CNEP1R1: variants seen among roughly 807,000 people sequenced by gnomAD.
CNEP1R1 encodes CTD nuclear envelope phosphatase 1 regulatory subunit 1, also known as nuclear envelope phosphatase-regulatory subunit 1.
A neutral mutation model predicts 22.7 loss-of-function variants in CNEP1R1; 10 were observed. The ratio of observed to expected loss-of-function variants is 0.44; its 90% confidence interval spans 0.27 to 0.75. The LOEUF (loss-of-function observed/expected upper bound fraction) is 0.75, where lower values mean the gene tolerates loss of function less well. Ranked by LOEUF, CNEP1R1 falls within the 30% of genes least tolerant of loss-of-function variation. The pLI is 0.17. For missense variants in CNEP1R1, 73 were observed against 151.5 expected, an observed-to-expected ratio of 0.48 and a Z score of 2.72; for synonymous variants, 53 against 50.1, an observed-to-expected ratio of 1.06 and a Z score of -0.25.
intron 2 of CNEP1R1, chr16:50,027,002 T>G (rs1197790118): frequency 6.6e-6 from 1 of 152,060 alleles, no homozygotes; most frequent in Non-Finnish European, 1.5e-5. Flanking sequence ...ATATTTAAAT[T>G]TTTGAATTAT....
chr16:50,027,438 G>A (rs909587054), intron 2 of CNEP1R1, among the ~76,000 whole-genome samples: 2 of 150,796 alleles, frequency 1.3e-5, no homozygotes, highest in Non-Finnish European at 1.5e-5. Flanking sequence ...AACCCAGGAG[G>A]CAGAGCTTGC....
rs769917132 is a variant in CNEP1R1, at chr16:50,026,511, A to G, written c.97+44A>G. The G allele has an allele frequency of 2.2e-6, 3 of 1,339,808 alleles. No individual in the cohort carries two copies. The African/African-American group carries it at 4.3e-5, about 19-fold the overall frequency. The allele number at this position is 1,339,808 out of a possible 1,614,324, so 83.0% of individuals were successfully genotyped here. A position where few individuals can be genotyped will look rare whatever the true frequency, so the allele number is the denominator to read the frequency against. ...TTTTAAGGGAAAACTAACAATTGAT[A>G]CTTTTATCCTAATATAGGAATGATT... On this transcript the variant is annotated intron_variant, in intron 2 of 5. Transcript: ENST00000427478.
rs2036168275 is a variant in CNEP1R1, at chr16:50,025,276, G to T, written c.-40G>T. The T allele has an allele frequency of 7.2e-7, 1 of 1,392,048 alleles. No homozygotes were observed. Among genetic ancestry groups the T allele is most frequent in the Non-Finnish European group, 9.3e-7 (1 of 1,078,082 alleles). The allele number at this position is 1,392,048 out of a possible 1,614,324, so 86.2% of individuals were successfully genotyped here. Reference sequence around the variant, plus strand: ...GGGCGGGGGCCGCGGAAGCTGCGATGCGGACAGGGCAGCGGCGGTGACCCG... The same window carrying T: ...GGGCGGGGGCCGCGGAAGCTGCGATTCGGACAGGGCAGCGGCGGTGACCCG... On this transcript the variant is annotated 5_prime_UTR_variant, in exon 1 of 6. The change abolishes an upstream ATG in the 5' untranslated region. Transcript: ENST00000427478.
intron 1 of CNEP1R1, 73 bp downstream of exon 1, chr16:50,025,413 G>T: frequency 7.3e-7 from 1 of 1,367,512 alleles, no homozygotes. Context: ...AGCCGGCGTC[G>T]TGAAGACCCC....
intron 1 of CNEP1R1, 48 bp downstream of exon 1, chr16:50,025,388 G>A (rs1188506131): frequency 2.2e-5 from 31 of 1,424,028 alleles, no homozygotes; most frequent in African/African-American, 2.9e-5. Flanking sequence ...TCGGAAGCTG[G>A]CGGTGCTCCG....
chr16:50,032,116 A>G (rs1442300748), intron 3 of CNEP1R1, among the ~76,000 whole-genome samples: 1 of 152,204 alleles, frequency 6.6e-6, no homozygotes, highest in Non-Finnish European at 1.5e-5. Context: ...ATGCTGAGCC[A>G]TCTACCTGGT....
chr16:50,031,707 A>G (rs1480669424), intron 3 of CNEP1R1, among the ~76,000 whole-genome samples: 2 of 151,946 alleles, frequency 1.3e-5, no homozygotes, highest in African/African-American at 4.8e-5. Context: ...CAAACCTGAC[A>G]GGAGTTTTAA....
chr16:50,034,364 G>A, intron 5 of CNEP1R1: 1 of 529,836 alleles, frequency 1.9e-6, no homozygotes, highest in Admixed American at 3.3e-5. Flanking sequence ...CTGACAAATT[G>A]GGAGAGTTGA....
At position 50,036,146 on chromosome 16, in the gene CNEP1R1, T is replaced by TC. The variant is rs932382399; in HGVS notation, c.*688_*689insC. The TC allele has an allele frequency of 8.0e-6, 1 of 124,948 alleles. No homozygotes were observed. 7.7% of individuals were successfully genotyped at this position (124,948 alleles called of 1,614,324 possible). A position where few individuals can be genotyped will look rare whatever the true frequency, so the allele number is the denominator to read the frequency against. Reference sequence around the variant, plus strand: ...ATTGCTTTAATAATTTTCTTTTTTTTTTTTTTTTTTTTAGACGGAGTCTCG... The same window carrying TC: ...ATTGCTTTAATAATTTTCTTTTTTTTCTTTTTTTTTTTTAGACGGAGTCTCG... On this transcript the variant is annotated 3_prime_UTR_variant, in exon 6 of 6. Transcript: ENST00000427478.
Position 50,025,350 on chromosome 16 carries a change from G to T in CNEP1R1, c.25+10G>T, listed in dbSNP as rs759077295. 2.1e-6 allele frequency: 3 copies of T among 1,432,388 alleles called. No individual in the cohort carries two copies. Among genetic ancestry groups the T allele is most frequent in the Non-Finnish European group, 2.7e-6 (3 of 1,097,048 alleles). 88.7% of individuals were successfully genotyped at this position (1,432,388 alleles called of 1,614,324 possible). Reference sequence around the variant, plus strand: ...CTGGAGCAGGCGGAAGGTAGGGTGGGCCGCCCGGGCCCGTCCCCCGTCTCC... The same window carrying T: ...CTGGAGCAGGCGGAAGGTAGGGTGGTCCGCCCGGGCCCGTCCCCCGTCTCC... On this transcript the variant is annotated intron_variant, in intron 1 of 5. Transcript: ENST00000427478.
chr16:50,035,444 C>T lies in CNEP1R1; in HGVS notation c.364C>T (p.Pro122Ser). The part of the protein sequence containing the change: ...DTGKLILKPR[P>S]HVQ The stretch of plus-strand genomic sequence containing the variant: ...AGGAAAACTAATTTTGAAACCTAGG[C>T]CTCATGTTCAATGACAATCTTCACT... The change falls in exon 6 of 6, where the codon CCT (proline) becomes TCT (serine). Residue 122 changes from proline to serine, a missense_variant. By Grantham distance (74) the Pro-to-Ser change is moderately conservative (BLOSUM62 -1). Transcript: ENST00000427478. 1 of 1,582,142 alleles carries T rather than the reference C, an allele frequency of 6.3e-7. No homozygotes were observed. The highest frequency in any genetic ancestry group is 8.6e-7 in the Non-Finnish European group (1 of 1,160,416).
intron 1 of CNEP1R1, 131 bp from the exon 2 acceptor site, chr16:50,026,265 T>C: frequency 1.6e-6 from 1 of 639,200 alleles, no homozygotes; most frequent in Admixed American, 2.7e-5. Flanking sequence ...CAGTGATACA[T>C]GGAAGTTAGT....
chr16:50,025,626 A>G, intron 1 of CNEP1R1: 1 of 1,607,744 alleles, frequency 6.2e-7, no homozygotes. Context: ...GCAGCCTGCT[A>G]ATTCATTTCA....
intron 2 of CNEP1R1, among the ~76,000 whole-genome samples, chr16:50,028,444 A>G (rs1185168843): frequency 6.6e-6 from 1 of 152,198 alleles, no homozygotes; most frequent in East Asian, 1.9e-4. Flanking sequence ...ATTTTTATTA[A>G]ATCTATTTGC....
chr16:50,027,507 C>A (rs1271343286), intron 2 of CNEP1R1, among the ~76,000 whole-genome samples: 396 of 109,900 alleles, frequency 3.6e-3, no homozygotes, highest in African/African-American at 4.4e-3. Flanking sequence ...GACTCTGTCT[C>A]AAAAAAAAAA....
At chr16:50,025,470 T>A (rs1269961481) in intron 1 of CNEP1R1, 130 bp downstream of exon 1, 8 of 1,180,098 alleles carry the variant, frequency 6.8e-6, no homozygotes, top group Non-Finnish European at 9.3e-6. Context: ...GCCCGGAGCT[T>A]GGGGGCGCGT....
In CNEP1R1 at chr16:50,036,093, T is replaced by C. The variant is rs1189493987; in HGVS notation, c.*635T>C. 1 of 152,604 alleles carries C rather than the reference T, an allele frequency of 6.6e-6. No homozygotes were observed. Among genetic ancestry groups the C allele is most frequent in the Non-Finnish European group, 1.5e-5 (1 of 68,044 alleles). 9.5% of individuals were successfully genotyped at this position (152,604 alleles called of 1,614,324 possible). ...TTGTGGTTATATTTTTAGTTCATTG[T>C]TCTCATTTAATGCTAAATATCCTTT... On this transcript the variant is annotated 3_prime_UTR_variant, in exon 6 of 6. Transcript: ENST00000427478.
At chr16:50,031,172 C>G (rs1487508506) in intron 3 of CNEP1R1, among the ~76,000 whole-genome samples, 4 of 152,182 alleles carry the variant, frequency 2.6e-5, no homozygotes, top group Admixed American at 2.0e-4. Flanking sequence ...AGACTACTTT[C>G]AGTAGCTCTA....
chr16:50,026,346 G>C, intron 1 of CNEP1R1, 50 bp from the exon 2 acceptor site: 1 of 1,326,932 alleles, frequency 7.5e-7, no homozygotes, highest in Non-Finnish European at 1.1e-6. Flanking sequence ...CTGACATTTC[G>C]TCAGACGAGT....
Sources: gnomAD v4.1 joint callset for allele counts (sites outside exome capture counted in the v4.1 genomes callset) on GRCh38, gnomAD v4.1.1 for gene constraint, MANE v1.5 for transcripts, NCBI Gene and HGNC (gene_info 2026-07-23, HGNC 2026-07-21) for gene names.